Variants in PPM1E observed in about 807,000 individuals in gnomAD.
The protein encoded by PPM1E is protein phosphatase 1E.
In PPM1E, 20 loss-of-function variants were observed where a neutral mutation model predicts 65.9. The observed-to-expected ratio is 0.30, with a 90% CI of 0.21 to 0.44. PPM1E has a LOEUF of 0.44. PPM1E is among the 20% of genes least tolerant of loss of function. The pLI is 1.00. For synonymous variants in PPM1E, 352 were observed against 374.9 expected, an observed-to-expected ratio of 0.94 and a Z score of 0.70; for missense variants, 713 against 953.1, an observed-to-expected ratio of 0.75 and a Z score of 3.32.
chr17:58,875,557 A>G (rs1486227210), intron 1 of PPM1E, among the ~76,000 whole-genome samples: 2 of 152,204 alleles, frequency 1.3e-5, no homozygotes, highest in Admixed American at 6.5e-5. Flanking sequence ...ACCAAGTTCA[A>G]TTTGTTAAGA....
intron 1 of PPM1E, among the ~76,000 whole-genome samples, chr17:58,765,877 C>CTTTTTTTTTTTTTTTTTTTTTTTT (rs35401844): frequency 8.1e-6 from 1 of 122,884 alleles, no homozygotes; most frequent in Non-Finnish European, 1.7e-5. Context: ...TTTGTAGTTT[C>CTTTTTTTTTTTTTTTTTTTTTTTT]TTTTTTTTTT....
At chr17:58,893,791 G>A (rs1459564556) in intron 1 of PPM1E, among the ~76,000 whole-genome samples, 2 of 152,012 alleles carry the variant, frequency 1.3e-5, no homozygotes, top group Non-Finnish European at 2.9e-5. Context: ...TCTGTTTTTG[G>A]CCAGGCATGA....
chr17:58,828,877 A>T (rs1227564907), intron 1 of PPM1E, among the ~76,000 whole-genome samples: 1 of 152,168 alleles, frequency 6.6e-6, no homozygotes, highest in African/African-American at 2.4e-5. Context: ...ATTCTAGAAG[A>T]TAAAGATTTA....
chr17:58,934,719 G>C (rs1478223789), intron 1 of PPM1E, among the ~76,000 whole-genome samples: 1 of 152,092 alleles, frequency 6.6e-6, no homozygotes, highest in East Asian at 1.9e-4. Context: ...TTGAGGTCAG[G>C]AGTTTGAGAC....
At chr17:58,902,953 A>G (rs996299420) in intron 1 of PPM1E, among the ~76,000 whole-genome samples, 2 of 152,206 alleles carry the variant, frequency 1.3e-5, no homozygotes, top group Non-Finnish European at 2.9e-5. Flanking sequence ...GAATTGCCCA[A>G]CCTGGTAAAA....
intron 1 of PPM1E, among the ~76,000 whole-genome samples, chr17:58,827,893 C>T (rs1457120654): frequency 2.8e-5 from 3 of 105,514 alleles, no homozygotes; most frequent in African/African-American, 3.9e-5. Flanking sequence ...CAGAGCGAGA[C>T]TCCATCTCAA....
At chr17:58,979,732 C>G (rs2031250890) in intron 6 of PPM1E, among the ~76,000 whole-genome samples, 1 of 152,188 alleles carries the variant, frequency 6.6e-6, no homozygotes, top group Non-Finnish European at 1.5e-5. Context: ...GATTCAGAGT[C>G]TAAGCTAGGT....
chr17:58,877,776 T>C (rs1266459377), intron 1 of PPM1E, among the ~76,000 whole-genome samples: 1 of 152,166 alleles, frequency 6.6e-6, no homozygotes. Flanking sequence ...TCAGAAACTA[T>C]TTCTAATTTT....
chr17:58,794,380 A>G (rs971823346), intron 1 of PPM1E, among the ~76,000 whole-genome samples: 9 of 152,074 alleles, frequency 5.9e-5, no homozygotes, highest in African/African-American at 1.9e-4. Context: ...GCCTGGCCCA[A>G]TTTATTATTA....
At chr17:58,971,543 C>A (rs934753667) in intron 4 of PPM1E, among the ~76,000 whole-genome samples, 22 of 152,142 alleles carry the variant, frequency 1.4e-4, no homozygotes, top group African/African-American at 5.3e-4. Context: ...CCTAAAAATA[C>A]TGTAGGAAGG....
intron 1 of PPM1E, among the ~76,000 whole-genome samples, chr17:58,932,889 T>C (rs1306609687): frequency 6.6e-6 from 1 of 152,194 alleles, no homozygotes; most frequent in Non-Finnish European, 1.5e-5. Flanking sequence ...TCCCATAAAA[T>C]TGTAATAGAG....
chr17:58,894,442 T>C (rs887737909), intron 1 of PPM1E, among the ~76,000 whole-genome samples: 2 of 152,196 alleles, frequency 1.3e-5, no homozygotes, highest in Non-Finnish European at 2.9e-5. Flanking sequence ...TAGTAAAACA[T>C]GCCATGACTG....
intron 1 of PPM1E, among the ~76,000 whole-genome samples, chr17:58,828,239 T>G (rs931260575): frequency 2.6e-5 from 4 of 151,590 alleles, no homozygotes; most frequent in Admixed American, 2.0e-4. Context: ...ATAATTTTTA[T>G]TTTTATTCAA....
intron 1 of PPM1E, among the ~76,000 whole-genome samples, chr17:58,887,460 C>T (rs2051287575): frequency 1.3e-5 from 2 of 152,160 alleles, no homozygotes; most frequent in Non-Finnish European, 2.9e-5. Flanking sequence ...AGCCACTGCA[C>T]CTGGCCCCGA....
chr17:58,929,795 A>G (rs892723758), intron 1 of PPM1E, among the ~76,000 whole-genome samples: 8 of 152,186 alleles, frequency 5.3e-5, no homozygotes, highest in Non-Finnish European at 1.2e-4. Context: ...CTTGCTTATT[A>G]TGTTTCTGGC....
intron 1 of PPM1E, among the ~76,000 whole-genome samples, chr17:58,948,322 G>A (rs898522105): frequency 6.6e-6 from 1 of 152,028 alleles, no homozygotes; most frequent in Admixed American, 6.6e-5. Context: ...TCCTTCCCAT[G>A]TGCTAAATGC....
chr17:58,911,632 G>A (rs1263937265), intron 1 of PPM1E, among the ~76,000 whole-genome samples: 3 of 152,146 alleles, frequency 2.0e-5, no homozygotes, highest in Non-Finnish European at 2.9e-5. Flanking sequence ...TTAAAATGCA[G>A]ATAACCCTGA....
At chr17:58,873,534 A>G (rs2051094120) in intron 1 of PPM1E, among the ~76,000 whole-genome samples, 1 of 151,038 alleles carries the variant, frequency 6.6e-6, no homozygotes, top group Non-Finnish European at 1.5e-5. Context: ...CTGAAACTTG[A>G]TCTTGGTTGG....
intron 1 of PPM1E, among the ~76,000 whole-genome samples, chr17:58,862,520 A>G (rs2050953075): frequency 6.6e-6 from 1 of 152,232 alleles, no homozygotes. Flanking sequence ...TCCTATGAGA[A>G]AATGTATAAT....
Sources: allele counts gnomAD v4.1 joint callset (sites outside exome capture counted in the v4.1 genomes callset), GRCh38; gene constraint gnomAD v4.1.1; transcripts MANE v1.5; gene names NCBI Gene and HGNC (gene_info 2026-07-23, HGNC 2026-07-21).